Variants in SLC19A1 observed in about 807,000 individuals in gnomAD.
The protein encoded by SLC19A1 is solute carrier family 19 member 1.
In SLC19A1, 37 loss-of-function variants were observed where a neutral mutation model predicts 35.3. The observed-to-expected ratio is 1.05, with a 90% CI of 0.81 to 1.38. The LOEUF (loss-of-function observed/expected upper bound fraction) is 1.38, where lower values mean the gene tolerates loss of function less well. SLC19A1 is among the 40% of genes most tolerant of loss of function. The probability of loss-of-function intolerance (pLI) is 0.00; values close to 1 mark genes in which losing one functional copy is unlikely to be tolerated. For synonymous variants in SLC19A1, 460 were observed against 398.5 expected, an observed-to-expected ratio of 1.15 and a Z score of -1.84; for missense variants, 831 against 826.9, an observed-to-expected ratio of 1.00 and a Z score of -0.06.
intron 3 of SLC19A1, chr21:45,505,486 G>A (rs1370063170): frequency 2.2e-6 from 2 of 907,786 alleles, no homozygotes; most frequent in East Asian, 2.6e-5. Context: ...GGCTGGTTCT[G>A]CAGCCCCTGC....
chr21:45,532,712 G>T (rs558362897), intron 2 of SLC19A1, among the ~76,000 whole-genome samples: 8 of 152,320 alleles, frequency 5.3e-5, no homozygotes, highest in African/African-American at 1.4e-4. Flanking sequence ...TAGGATTACA[G>T]GCACCAGCCA....
chr21:45,559,391 C>G (rs2078594103), intron 1 of SLC19A1, among the ~76,000 whole-genome samples: 1 of 152,212 alleles, frequency 6.6e-6, no homozygotes, highest in Non-Finnish European at 1.5e-5. Context: ...AACACACACA[C>G]TGAAAATGGC....
rs748109875 is a variant in SLC19A1, at chr21:45,505,449, C to A, written c.498-6837G>T. 1.4e-6 allele frequency: 2 copies of A among 1,417,242 alleles called. No homozygotes were observed. Among genetic ancestry groups the A allele is most frequent in the African/African-American group, 1.4e-5 (1 of 71,426 alleles). The allele number at this position is 1,417,242 out of a possible 1,614,324, so 87.8% of individuals were successfully genotyped here. A position where few individuals can be genotyped will look rare whatever the true frequency, so the allele number is the denominator to read the frequency against. ...CCTCAGGGGTAAGTGTCTGGGCAGCCGGCTGGGCACCTGCGTCCCGTGCCC... is the reference window on the plus strand; with the variant it reads ...CCTCAGGGGTAAGTGTCTGGGCAGCAGGCTGGGCACCTGCGTCCCGTGCCC... On this transcript the variant is annotated intron_variant, in intron 3 of 4. Coordinates refer to the SLC19A1 transcript ENST00000417954.
chr21:45,511,128 C>G, downstream of SLC19A1: 1 of 1,585,276 alleles, frequency 6.3e-7, no homozygotes, highest in Non-Finnish European at 8.6e-7. Context: ...TGCTGTTTCC[C>G]AGCTGGGAGG....
intron 1 of SLC19A1, among the ~76,000 whole-genome samples, chr21:45,555,735 C>A (rs76635551): frequency 6.6e-6 from 1 of 152,002 alleles, no homozygotes. Context: ...TCCACGCGAA[C>A]GGCGGGCGCT....
chr21:45,531,683 G>A lies in SLC19A1; in HGVS notation c.655C>T (p.Arg219Trp). Residue 219 changes from arginine to tryptophan, a missense_variant, in exon 3 of 6, where the codon CGG (arginine) becomes TGG (tryptophan). Physicochemically the swap from Arg to Trp is moderately radical, Grantham distance 101. Coordinates refer to ENST00000311124, the MANE Select transcript of SLC19A1 (RefSeq NM_194255.4). ...AGCTCCGAAGCCGAGGTTTCGCACC[G>A]CCCCCGGTCGTCGCGGTTGAAGAAG... ...SLFFNRDDRG[R>W]CETSASELER... The A allele has an allele frequency of 6.2e-7, 1 of 1,612,424 alleles. No individual in the cohort carries two copies. Among genetic ancestry groups the A allele is most frequent in the Non-Finnish European group, 8.5e-7 (1 of 1,179,750 alleles).
intron 5 of SLC19A1, among the ~76,000 whole-genome samples, chr21:45,523,831 C>G (rs2077511506): frequency 6.6e-6 from 1 of 152,198 alleles, no homozygotes; most frequent in Non-Finnish European, 1.5e-5. Flanking sequence ...TGTCTGGGGA[C>G]AGAGGTAACT....
At chr21:45,531,162 G>T (rs1233643770) in intron 3 of SLC19A1, among the ~76,000 whole-genome samples, 191 bp from the exon 4 acceptor site, 70 of 150 alleles carry the variant, frequency 0.47, 9 homozygotes, top group African/African-American at 0.57. Flanking sequence ...CAGGGGGCGG[G>T]GAGGGGGAGC....
chr21:45,529,540 AGTGT>A (rs2077773093), intron 4 of SLC19A1, among the ~76,000 whole-genome samples: 1 of 152,012 alleles, frequency 6.6e-6, no homozygotes, highest in Non-Finnish European at 1.5e-5. Flanking sequence ...TGAGTGTGTC[AGTGT>A]GTGTGGTCTG....
intron 1 of SLC19A1, among the ~76,000 whole-genome samples, chr21:45,555,762 C>T (rs1414852266): frequency 6.6e-6 from 1 of 152,006 alleles, no homozygotes; most frequent in Non-Finnish European, 1.5e-5. Flanking sequence ...AAGCGACCCA[C>T]GCAGAGTTCC....
intron 5 of SLC19A1, among the ~76,000 whole-genome samples, chr21:45,519,756 G>C (rs546017027): frequency 1.1e-4 from 16 of 152,144 alleles, no homozygotes; most frequent in Admixed American, 1.0e-3. Flanking sequence ...ACTGAAAGGA[G>C]AAACAGATCC....
At chr21:45,528,354 T>C (rs772955853) in intron 4 of SLC19A1, among the ~76,000 whole-genome samples, 2 of 151,938 alleles carry the variant, frequency 1.3e-5, no homozygotes, top group Non-Finnish European at 2.9e-5. Flanking sequence ...TGAAAATACA[T>C]GATACAGATG....
intron 1 of SLC19A1, among the ~76,000 whole-genome samples, chr21:45,539,675 C>CAG (rs1263302992): frequency 6.6e-6 from 1 of 152,152 alleles, no homozygotes; most frequent in African/African-American, 2.4e-5. Flanking sequence ...CTTCAGGGAC[C>CAG]AGAGAGAGAG....
In SLC19A1 at chr21:45,534,144, C is replaced by T. The variant is rs1384939787; in HGVS notation, c.190-1996G>A. Among the ~76,000 whole-genome samples, 2 of 152,312 alleles carry T rather than the reference C, an allele frequency of 1.3e-5. No individual in the cohort carries two copies. Among genetic ancestry groups the T allele is most frequent in the African/African-American group, 4.8e-5 (2 of 41,572 alleles). On this transcript the variant is annotated intron_variant, in intron 2 of 5. Transcript: ENST00000311124. The surrounding 1 kb of genome is among the most constrained non-coding windows in gnomAD (Gnocchi z 4.2). ...TATGTGCCAGGAGGCTGAGTGAGCC[C>T]GCCGGGTCACAGAGAGCCTCAGGGC...
downstream of SLC19A1, among the ~76,000 whole-genome samples, chr21:45,509,809 G>A (rs2037464997): frequency 6.6e-6 from 1 of 152,030 alleles, no homozygotes; most frequent in Non-Finnish European, 1.5e-5. Flanking sequence ...TCCAGCCGCT[G>A]TCACATCCTT....
Position 45,533,135 on chromosome 21 carries a change from G to A in SLC19A1, c.190-987C>T, listed in dbSNP as rs1210642683. ...CACCCTCCCAGGAGGGGGAGCACAG[G>A]CTGTCAGCCTGCCCACCCCCACCTC... is the stretch of plus-strand genomic sequence containing the variant. On this transcript the variant is annotated intron_variant, in intron 2 of 5. Coordinates refer to ENST00000311124, the MANE Select transcript of SLC19A1 (RefSeq NM_194255.4). The surrounding 1 kb of genome is among the most constrained non-coding windows in gnomAD (Gnocchi z 4.5). 6.6e-6 allele frequency among the ~76,000 whole-genome samples: 1 copy of A among 152,188 alleles called. No individual in the cohort carries two copies. Among genetic ancestry groups the A allele is most frequent in the Non-Finnish European group, 1.5e-5 (1 of 68,030 alleles).
intron 1 of SLC19A1, among the ~76,000 whole-genome samples, chr21:45,541,375 C>T (rs1024825248): frequency 6.6e-6 from 1 of 152,218 alleles, no homozygotes; most frequent in East Asian, 1.9e-4. Context: ...CTGGGCTGTG[C>T]GGGGATCCTC....
chr21:45,562,149 G>T (rs199502177), intron 1 of SLC19A1, among the ~76,000 whole-genome samples: 2 of 114,280 alleles, frequency 1.8e-5, no homozygotes, highest in Non-Finnish European at 3.7e-5. Context: ...AAAAAAAAAA[G>T]ACAAATCCAG....
downstream of SLC19A1, among the ~76,000 whole-genome samples, chr21:45,507,897 C>T (rs762017611): frequency 6.6e-6 from 1 of 152,332 alleles, no homozygotes; most frequent in South Asian, 2.1e-4. Flanking sequence ...GGGCCAAAAT[C>T]CACATCTTGT....
Sources: gnomAD v4.1 joint callset for allele counts (sites outside exome capture counted in the v4.1 genomes callset) on GRCh38, gnomAD v4.1.1 for gene constraint, Gnocchi (gnomAD v3.1) non-coding constraint, MANE v1.5 for transcripts, NCBI Gene and HGNC (gene_info 2026-07-23, HGNC 2026-07-21) for gene names.